Variants in RBFOX1 observed in about 807,000 individuals in gnomAD.
RBFOX1 encodes the protein RNA binding protein fox-1 homolog 1.
In RBFOX1, 8 loss-of-function variants were observed where a neutral mutation model predicts 57.7. The ratio of observed to expected loss-of-function variants is 0.14; its 90% CI spans 0.08 to 0.25. RBFOX1 has a LOEUF of 0.25. Ranked by LOEUF, RBFOX1 falls within the 10% of genes least tolerant of loss-of-function variation. The pLI, the probability that RBFOX1 is intolerant of heterozygous loss-of-function variation, is 1.00. For missense variants in RBFOX1, 611 were observed against 548.5 expected (o/e 1.11, Z -1.14); for synonymous variants, 326 against 222.4 (o/e 1.47, Z -4.15).
chr16:5,701,759 C>T (rs2051057733), intron 3 of RBFOX1, among the ~76,000 whole-genome samples: 1 of 152,168 alleles, frequency 6.6e-6, no homozygotes, highest in Non-Finnish European at 1.5e-5. Flanking sequence ...TGATGACCAT[C>T]TTACCAGAGG....
chr16:7,160,957 G>C (rs9929846), intron 4 of RBFOX1, among the ~76,000 whole-genome samples: 119,470 of 152,062 alleles, frequency 0.79, 46,985 homozygotes, highest in East Asian at 0.84. Context: ...TTATATCAGC[G>C]ACAAACCTTC....
chr16:7,109,636 T>C (rs1318971637), intron 4 of RBFOX1, among the ~76,000 whole-genome samples: 2 of 151,878 alleles, frequency 1.3e-5, no homozygotes, highest in Admixed American at 1.3e-4. Flanking sequence ...GCTCTAAGAG[T>C]AGAGACATCC....
At chr16:6,552,022 G>A (rs913967536) in intron 2 of RBFOX1, among the ~76,000 whole-genome samples, 3 of 152,176 alleles carry the variant, frequency 2.0e-5, no homozygotes, top group African/African-American at 7.2e-5. Context: ...AGTTCAGCAG[G>A]AGAGGAAAGG....
At chr16:7,678,459 CTTAA>C (rs1206063493) in intron 14 of RBFOX1, among the ~76,000 whole-genome samples, 3 of 152,062 alleles carry the variant, frequency 2.0e-5, no homozygotes, top group Admixed American at 6.6e-5. Context: ...AGCTGCAACC[CTTAA>C]TTATTTTTTA....
intron 2 of RBFOX1, among the ~76,000 whole-genome samples, chr16:6,342,582 G>T (rs927548562): frequency 6.6e-6 from 1 of 152,140 alleles, no homozygotes; most frequent in African/African-American, 2.4e-5. Flanking sequence ...AGTTAGGTAG[G>T]TTTTGCTGAG....
intron 2 of RBFOX1, among the ~76,000 whole-genome samples, chr16:6,525,844 A>G (rs971852538): frequency 6.6e-6 from 1 of 152,086 alleles, no homozygotes; most frequent in Non-Finnish European, 1.5e-5. Context: ...GGCAATTCAC[A>G]ACTAAGTTTG....
chr16:7,090,160 G>A (rs150462649), intron 4 of RBFOX1, among the ~76,000 whole-genome samples: 5 of 152,288 alleles, frequency 3.3e-5, no homozygotes, highest in Non-Finnish European at 7.4e-5. Flanking sequence ...CAGCTACATT[G>A]ATGTGTGAAA....
intron 4 of RBFOX1, among the ~76,000 whole-genome samples, chr16:5,886,597 C>A (rs557253467): frequency 3.3e-5 from 5 of 152,134 alleles, no homozygotes; most frequent in African/African-American, 7.2e-5. Flanking sequence ...TTATTCAAAT[C>A]GTCTCTTTGG....
rs1460033877 is a variant in RBFOX1, at chr16:6,712,192, T to A, written c.-16+57542T>A. On this transcript the variant is annotated intron_variant, in intron 3 of 15. Coordinates refer to ENST00000550418, the MANE Select transcript of RBFOX1 (RefSeq NM_018723.4). ...CAGTAGCCATCATCATTATTTACTA[T>A]CAGAGGCTGTTTCAGCTATGGTCAG... Among the ~76,000 whole-genome samples, 3 of 152,294 alleles carry A rather than the reference T, an allele frequency of 2.0e-5. No individual in the cohort carries two copies. In the East Asian group the frequency reaches 5.8e-4, roughly 29 times the overall value.
At chr16:6,301,169 AATCTC>A (rs2078777653) in intron 1 of RBFOX1, among the ~76,000 whole-genome samples, 1 of 152,222 alleles carries the variant, frequency 6.6e-6, no homozygotes, top group Non-Finnish European at 1.5e-5. Flanking sequence ...GACTTATTTA[AATCTC>A]TACATATTTC....
intron 3 of RBFOX1, among the ~76,000 whole-genome samples, chr16:6,769,812 A>G (rs144120592): frequency 1.1e-4 from 17 of 152,306 alleles, no homozygotes; most frequent in East Asian, 9.6e-4. Context: ...TTTTGCAGCA[A>G]TGATGCCACA....
At chr16:5,903,088 G>A (rs1257066485) in intron 4 of RBFOX1, among the ~76,000 whole-genome samples, 1 of 152,040 alleles carries the variant, frequency 6.6e-6, no homozygotes, top group Non-Finnish European at 1.5e-5. Context: ...TGTATTAGAT[G>A]GGTGTGTGTG....
At chr16:5,716,274 T>C (rs905765139) in intron 3 of RBFOX1, among the ~76,000 whole-genome samples, 2 of 152,224 alleles carry the variant, frequency 1.3e-5, no homozygotes, top group African/African-American at 4.8e-5. Context: ...ACCAAGCTAA[T>C]AAGTTCAGGG....
chr16:6,999,212 A>ATTTTATTTTAT (rs1254312494), intron 3 of RBFOX1, among the ~76,000 whole-genome samples: 1 of 117,692 alleles, frequency 8.5e-6, no homozygotes, highest in Admixed American at 8.7e-5. Flanking sequence ...TTTTATTTTT[A>ATTTTATTTTAT]TTTATTTTTT....
At chr16:7,403,486 T>A (rs530988394) in intron 4 of RBFOX1, among the ~76,000 whole-genome samples, 3 of 152,108 alleles carry the variant, frequency 2.0e-5, no homozygotes, top group Non-Finnish European at 4.4e-5. Flanking sequence ...CTTACAGCGT[T>A]TGTCTTTCTG....
At chr16:6,482,359 C>G (rs2095384260) in intron 2 of RBFOX1, among the ~76,000 whole-genome samples, 2 of 152,182 alleles carry the variant, frequency 1.3e-5, no homozygotes, top group Non-Finnish European at 1.5e-5. Flanking sequence ...TTTTCTACAT[C>G]CAAGAGTCAT....
At chr16:5,780,282 G>A (rs553729202) in intron 3 of RBFOX1, among the ~76,000 whole-genome samples, 17 of 152,312 alleles carry the variant, frequency 1.1e-4, no homozygotes, top group African/African-American at 3.8e-4. Flanking sequence ...GATTACAGGC[G>A]TGTGCCATTG....
At chr16:6,892,540 C>G (rs992246156) in intron 3 of RBFOX1, among the ~76,000 whole-genome samples, 3 of 152,058 alleles carry the variant, frequency 2.0e-5, no homozygotes, top group South Asian at 4.1e-4. Context: ...CATGGTGGCA[C>G]ACACCTGTAA....
intron 4 of RBFOX1, among the ~76,000 whole-genome samples, chr16:7,260,096 T>C (rs1175259766): frequency 2.6e-5 from 4 of 152,206 alleles, no homozygotes. Context: ...TATAACCATA[T>C]ATTGTGTATA....
Sources: gnomAD v4.1 joint callset for allele counts (sites outside exome capture counted in the v4.1 genomes callset) on GRCh38, gnomAD v4.1.1 for gene constraint, MANE v1.5 for transcripts, NCBI Gene and HGNC (gene_info 2026-07-23, HGNC 2026-07-21) for gene names.